CPT1A: variants seen among roughly 807,000 people sequenced by gnomAD.
The protein encoded by CPT1A is carnitine O-palmitoyltransferase 1, liver isoform.
A neutral mutation model predicts 100.8 loss-of-function variants in CPT1A; 64 were observed. That is an observed-to-expected ratio of 0.63 (90% CI 0.52 to 0.78). The LOEUF (loss-of-function observed/expected upper bound fraction) is 0.78, where lower values mean the gene tolerates loss of function less well. CPT1A is among the 30% of genes least tolerant of loss of function. CPT1A has a pLI of 0.00. For missense variants in CPT1A, 802 were observed against 1,034.1 expected (o/e 0.78, Z 3.08); for synonymous variants, 363 against 396.0 (o/e 0.92, Z 0.99).
chr11:68,760,616 A>G (rs1459912008), intron 16 of CPT1A, among the ~76,000 whole-genome samples: 5 of 152,218 alleles, frequency 3.3e-5, no homozygotes, highest in African/African-American at 1.2e-4. Flanking sequence ...ATGGAGTAAG[A>G]TTCGGAACGG....
intron 10 of CPT1A, among the ~76,000 whole-genome samples, chr11:68,782,764 C>A (rs114108893): frequency 9.2e-5 from 14 of 152,294 alleles, no homozygotes; most frequent in African/African-American, 2.9e-4. Context: ...TTGGCTATGG[C>A]GGCCCGCAGG....
At chr11:68,779,969 T>TA (rs1855261279) in intron 12 of CPT1A, among the ~76,000 whole-genome samples, 3 of 152,240 alleles carry the variant, frequency 2.0e-5, no homozygotes, top group African/African-American at 7.2e-5. Flanking sequence ...CTATTTGGCC[T>TA]AAAAAATGCG....
chr11:68,812,630 A>G, intron 2 of CPT1A, 54 bp from the exon 3 acceptor site: 1 of 1,607,602 alleles, frequency 6.2e-7, no homozygotes, highest in Non-Finnish European at 8.5e-7. Context: ...CCACAGGGCA[A>G]TGACGCTTCA....
At chr11:68,793,475 G>T in intron 8 of CPT1A, 73 bp from the exon 9 acceptor site, 4 of 1,226,512 alleles carry the variant, frequency 3.3e-6, no homozygotes, top group Non-Finnish European at 3.5e-6. Flanking sequence ...GCCGGGTGCG[G>T]TGGCTCACGC....
At position 68,763,382 on chromosome 11, in the gene CPT1A, G is replaced by C. The variant is rs76847905; in HGVS notation, c.1741-621C>G. ...AAGGTGCAGCCTGCAGCAGTGTACA[G>C]AAGGAATGCCGTGCACAGCAGGGGA... On this transcript the variant is annotated intron_variant, in intron 14 of 18. Coordinates refer to ENST00000265641, the MANE Select transcript of CPT1A (RefSeq NM_001876.4). 4.6e-4 allele frequency among the ~76,000 whole-genome samples: 70 copies of C among 152,244 alleles called. 1 individual carries two copies. The East Asian group carries it at 0.012, about 27-fold the overall frequency.
chr11:68,803,712 AAAAATAAAATAAAATAAAATAAAAT>A (rs59753299), intron 5 of CPT1A, among the ~76,000 whole-genome samples: 6 of 143,674 alleles, frequency 4.2e-5, no homozygotes, highest in Non-Finnish European at 7.5e-5. Context: ...GTCCATCACA[AAAAATAAAATAAAATAAAATAAAAT>A]AAAATAAAAT....
At chr11:68,824,777 G>A (rs943341135) in intron 1 of CPT1A, among the ~76,000 whole-genome samples, 1 of 146,406 alleles carries the variant, frequency 6.8e-6, no homozygotes, top group African/African-American at 2.5e-5. Flanking sequence ...CTAACATATT[G>A]CTACATGCAA....
At chr11:68,781,131 A>G (rs1016411571) in intron 11 of CPT1A, among the ~76,000 whole-genome samples, 2 of 152,166 alleles carry the variant, frequency 1.3e-5, no homozygotes, top group Non-Finnish European at 2.9e-5. Flanking sequence ...AGGACTTGAG[A>G]TAGCCACATG....
chr11:68,785,198 C>T (rs1486154659), intron 9 of CPT1A, among the ~76,000 whole-genome samples, 188 bp from the exon 10 acceptor site: 5 of 152,116 alleles, frequency 3.3e-5, no homozygotes, highest in Admixed American at 2.0e-4. Context: ...AGCTCTGGAT[C>T]GGAGAGGCCT....
chr11:68,775,520 A>G, intron 12 of CPT1A, 88 bp from the exon 13 acceptor site: 4 of 1,067,886 alleles, frequency 3.7e-6, no homozygotes, highest in Non-Finnish European at 5.8e-6. Context: ...TGTTCTTTGC[A>G]GAGATGTTAC....
At chr11:68,816,504 C>T (rs985246391) in intron 1 of CPT1A, among the ~76,000 whole-genome samples, 9 of 152,140 alleles carry the variant, frequency 5.9e-5, no homozygotes, top group South Asian at 2.1e-4. Context: ...AAACTGCTTC[C>T]GGATCTGCTA....
At chr11:68,760,366 C>T (rs1363330852) in intron 16 of CPT1A, 28 bp from the exon 17 acceptor site, 3 of 1,539,312 alleles carry the variant, frequency 1.9e-6, no homozygotes, top group Non-Finnish European at 8.9e-7. Flanking sequence ...GAAATGTTTC[C>T]TAATCCCCTC....
At chr11:68,812,604 G>T (rs749225840) in intron 2 of CPT1A, 28 bp from the exon 3 acceptor site, 60 of 1,613,300 alleles carry the variant, frequency 3.7e-5, no homozygotes, top group Non-Finnish European at 4.8e-5. Context: ...GGCCGTGAGC[G>T]GTGTCCTCCC....
chr11:68,837,494 G>A (rs1305456010), intron 1 of CPT1A, among the ~76,000 whole-genome samples: 1 of 152,160 alleles, frequency 6.6e-6, no homozygotes, highest in East Asian at 1.9e-4. Context: ...GCTTGCTGTG[G>A]GGAGAGAATA....
At chr11:68,835,093 G>GA (rs1389328479) in intron 1 of CPT1A, among the ~76,000 whole-genome samples, 4 of 151,808 alleles carry the variant, frequency 2.6e-5, no homozygotes, top group Admixed American at 2.6e-4. Flanking sequence ...TATGATCTTA[G>GA]AAAAAAAATT....
At chr11:68,776,185 G>A (rs978758610) in intron 12 of CPT1A, among the ~76,000 whole-genome samples, 1 of 152,186 alleles carries the variant, frequency 6.6e-6, no homozygotes, top group South Asian at 2.1e-4. Context: ...GATTGCTGGA[G>A]GCCAGGAGTT....
intron 9 of CPT1A, among the ~76,000 whole-genome samples, chr11:68,787,942 CAAAA>C (rs58079850): frequency 2.0e-4 from 9 of 45,674 alleles, no homozygotes; most frequent in Non-Finnish European, 3.2e-4. Flanking sequence ...GACTCAGTCT[CAAAA>C]AAAAAAAAAA....
At chr11:68,804,609 C>T (rs1855994756) in intron 4 of CPT1A, among the ~76,000 whole-genome samples, 1 of 152,158 alleles carries the variant, frequency 6.6e-6, no homozygotes, top group Non-Finnish European at 1.5e-5. Context: ...CAAAAACAAA[C>T]AAACCAAAAA....
chr11:68,827,589 C>G, intron 1 of CPT1A, among the ~76,000 whole-genome samples: 1 of 150,958 alleles, frequency 6.6e-6, no homozygotes, highest in East Asian at 1.9e-4. Context: ...ACTATGTTGC[C>G]CAGGCTGGTC....
Sources: allele counts gnomAD v4.1 joint callset (sites outside exome capture counted in the v4.1 genomes callset), GRCh38; gene constraint gnomAD v4.1.1; transcripts MANE v1.5; gene names NCBI Gene and HGNC (gene_info 2026-07-23, HGNC 2026-07-21).